NTM: variants seen among roughly 807,000 people sequenced by gnomAD.
The protein encoded by NTM is IgLON family member 2.
NTM carries 13 observed loss-of-function variants against 42.1 expected under a neutral mutation model. The ratio of observed to expected loss-of-function variants is 0.31; its 90% CI spans 0.20 to 0.49. The LOEUF is 0.49. NTM is among the 20% of genes least tolerant of loss of function. The probability of loss-of-function intolerance (pLI) is 0.99; values close to 1 mark genes in which losing one functional copy is unlikely to be tolerated. For synonymous variants in NTM, 187 were observed against 179.2 expected (o/e 1.04, Z -0.35); for missense variants, 373 against 452.8 (o/e 0.82, Z 1.60).
At chr11:131,729,349 T>G (rs905664293) in intron 1 of NTM, among the ~76,000 whole-genome samples, 2 of 152,218 alleles carry the variant, frequency 1.3e-5, no homozygotes, top group Non-Finnish European at 2.9e-5. Context: ...TATTGTGGAC[T>G]GCTAATGAAG....
At chr11:132,200,791 G>A (rs997060074) in intron 3 of NTM, among the ~76,000 whole-genome samples, 6 of 152,158 alleles carry the variant, frequency 3.9e-5, no homozygotes, top group Non-Finnish European at 5.9e-5. Context: ...CCTGAGTGAG[G>A]CAGCCTAGGA....
intron 7 of NTM, among the ~76,000 whole-genome samples, chr11:132,321,060 AC>A (rs1341942307): frequency 5.3e-5 from 8 of 151,832 alleles, no homozygotes; most frequent in Non-Finnish European, 1.2e-4. Flanking sequence ...AGTAGATAAA[AC>A]CACAAAGATG....
chr11:132,300,645 G>A (rs920376484), intron 4 of NTM, among the ~76,000 whole-genome samples: 7 of 152,302 alleles, frequency 4.6e-5, no homozygotes, highest in East Asian at 3.9e-4. Context: ...CTGTTGCAGC[G>A]GATATTGCTG....
rs143435505 is a variant in NTM, at chr11:132,140,183, A to C, written c.168-6099A>C. On this transcript the variant is annotated intron_variant, in intron 2 of 8. Transcript: ENST00000683400. ...GAGGGGCATCAGGAACAGAGCTGGG[A>C]CATTCCTTGTAGCAGTCAGACTTCA... Among the ~76,000 whole-genome samples the C allele has an allele frequency of 4.3e-3, 656 of 152,300 alleles. 5 individuals carry two copies. The highest frequency in any genetic ancestry group is 0.012 in the African/African-American group (505 of 41,566).
intron 4 of NTM, among the ~76,000 whole-genome samples, chr11:132,262,113 G>T (rs1329892801): frequency 1.3e-5 from 2 of 152,098 alleles, no homozygotes; most frequent in African/African-American, 4.8e-5. Flanking sequence ...TGCTGGCATT[G>T]TGCCTGTAGC....
At chr11:131,382,812 G>C (rs1162990356) in intron 1 of NTM, among the ~76,000 whole-genome samples, 1 of 152,196 alleles carries the variant, frequency 6.6e-6, no homozygotes, top group Non-Finnish European at 1.5e-5. Flanking sequence ...AGCAGACTCT[G>C]CCAGCTGTAG....
intron 1 of NTM, chr11:131,769,554 C>T (rs966432807): frequency 2.1e-6 from 2 of 958,148 alleles, no homozygotes; most frequent in Non-Finnish European, 2.5e-6. Context: ...TCTGGAAGAT[C>T]AAAATATGTG....
chr11:131,471,842 G>A (rs1952471552), intron 1 of NTM, among the ~76,000 whole-genome samples: 1 of 152,318 alleles, frequency 6.6e-6, no homozygotes, highest in East Asian at 1.9e-4. Context: ...CCAGCTGCTT[G>A]TCTTTCCACC....
intron 2 of NTM, among the ~76,000 whole-genome samples, chr11:131,918,833 T>G (rs778387432): frequency 2.6e-5 from 4 of 152,196 alleles, no homozygotes; most frequent in Non-Finnish European, 5.9e-5. Flanking sequence ...AACCGACCTC[T>G]AGAGGTCCCT....
intron 2 of NTM, among the ~76,000 whole-genome samples, chr11:132,126,011 A>G (rs1439586809): frequency 6.6e-6 from 1 of 151,968 alleles, no homozygotes; most frequent in Non-Finnish European, 1.5e-5. Flanking sequence ...GCAGCCCAGC[A>G]AAGGTGGAGC....
At chr11:131,721,625 C>A (rs1165768188) in intron 1 of NTM, among the ~76,000 whole-genome samples, 1 of 152,104 alleles carries the variant, frequency 6.6e-6, no homozygotes, top group Non-Finnish European at 1.5e-5. Context: ...CTTAACTTCC[C>A]TAATCCTCAC....
Position 132,072,202 on chromosome 11 carries a change from C to T in NTM, c.168-74080C>T, listed in dbSNP as rs182728932. On this transcript the variant is annotated intron_variant, in intron 2 of 8. Transcript: ENST00000683400. The stretch of plus-strand genomic sequence containing the variant: ...GTTAATGAACACAGATGGCTGCAAA[C>T]CCCCCAAGCAGCCAGCATACTGTAA... 1.7e-3 allele frequency among the ~76,000 whole-genome samples: 261 copies of T among 152,262 alleles called. 1 individual carries two copies. Among genetic ancestry groups the T allele is most frequent in the African/African-American group, 5.9e-3 (245 of 41,560 alleles).
intron 1 of NTM, among the ~76,000 whole-genome samples, chr11:131,469,899 T>A (rs1952268457): frequency 6.6e-6 from 1 of 152,224 alleles, no homozygotes; most frequent in Non-Finnish European, 1.5e-5. Flanking sequence ...CATGAGGGGA[T>A]TCAATGCAAT....
At chr11:132,110,147 G>A (rs979495753) in intron 2 of NTM, among the ~76,000 whole-genome samples, 2 of 152,226 alleles carry the variant, frequency 1.3e-5, no homozygotes, top group Admixed American at 6.5e-5. Flanking sequence ...TCTCTTCTGA[G>A]TAGTGCATAG....
intron 1 of NTM, among the ~76,000 whole-genome samples, chr11:131,397,912 G>C (rs559197579): frequency 6.6e-6 from 1 of 152,286 alleles, no homozygotes; most frequent in East Asian, 1.9e-4. Flanking sequence ...CTTCACTTGA[G>C]AATGCAATAA....
intron 2 of NTM, among the ~76,000 whole-genome samples, chr11:131,913,671 G>A (rs968689827): frequency 2.0e-5 from 3 of 152,094 alleles, no homozygotes; most frequent in Non-Finnish European, 4.4e-5. Flanking sequence ...TTTCACATGT[G>A]TTCTCAACCC....
At chr11:132,272,717 G>A (rs2093540665) in intron 4 of NTM, among the ~76,000 whole-genome samples, 1 of 151,868 alleles carries the variant, frequency 6.6e-6, no homozygotes, top group Admixed American at 6.6e-5. Context: ...TTTGCATATT[G>A]CTCTTGTATC....
chr11:131,881,397 C>T (rs992330969), intron 1 of NTM, among the ~76,000 whole-genome samples: 7 of 151,796 alleles, frequency 4.6e-5, no homozygotes, highest in East Asian at 3.9e-4. Flanking sequence ...TTTTAATGAT[C>T]GGGGTCATTG....
intron 4 of NTM, among the ~76,000 whole-genome samples, chr11:132,259,887 T>C (rs976726399): frequency 1.3e-5 from 2 of 151,864 alleles, no homozygotes; most frequent in African/African-American, 4.8e-5. Flanking sequence ...AAGCTGGGAT[T>C]ACAGGAGTGC....
Sources: gnomAD v4.1 joint callset for allele counts (sites outside exome capture counted in the v4.1 genomes callset) on GRCh38, gnomAD v4.1.1 for gene constraint, MANE v1.5 for transcripts, NCBI Gene and HGNC (gene_info 2026-07-23, HGNC 2026-07-21) for gene names.